Variants in TRMT44 observed in about 807,000 individuals in gnomAD.
The protein encoded by TRMT44 is probable tRNA (uracil-O(2)-)-methyltransferase.
Under a neutral mutation model 77.3 loss-of-function variants are expected in TRMT44, and 78 were observed. The ratio of observed to expected loss-of-function variants is 1.01; its 90% CI spans 0.84 to 1.22. The LOEUF (loss-of-function observed/expected upper bound fraction) is 1.22. Among genes scored for constraint, TRMT44 ranks in the 50% most tolerant of loss-of-function variants. The pLI is 0.00. For synonymous variants in TRMT44, 391 were observed against 383.3 expected (o/e 1.02, Z -0.23); for missense variants, 1,090 against 964.4 (o/e 1.13, Z -1.73).
Position 8,475,808 on chromosome 4 carries a change from A to AG in TRMT44, c.2083dup (p.Glu695GlyfsTer18), listed in dbSNP as rs1727339586. 6.2e-7 allele frequency: 1 copy of AG among 1,614,012 alleles called. No homozygotes were observed. Among genetic ancestry groups the AG allele is most frequent in the Non-Finnish European group, 8.5e-7 (1 of 1,180,036 alleles). Reference sequence around the variant, plus strand: ...AGAGTTCACATCCGCGACTGGCGAGAGGAGACACTGTGGAAGACAAAGCAA... The same window carrying AG: ...AGAGTTCACATCCGCGACTGGCGAGAGGGAGACACTGTGGAAGACAAAGCAA... On this transcript the variant is annotated frameshift_variant, in exon 11 of 11. Transcript: ENST00000389737. LOFTEE classifies it low-confidence loss of function (END_TRUNC).
intron 2 of TRMT44, chr4:8,482,336 C>G (rs755229559): frequency 1.3e-5 from 2 of 152,286 alleles, no homozygotes; most frequent in African/African-American, 4.8e-5. Flanking sequence ...TGAACTCTTG[C>G]GTGTCCTCCT....
At chr4:8,516,368 G>A in the TRMT44 span, among the ~76,000 whole-genome samples, 1 of 152,204 alleles carries the variant, frequency 6.6e-6, no homozygotes, top group South Asian at 2.1e-4. Flanking sequence ...CCCCAGAGGA[G>A]CTGACTCGCC....
intron 2 of TRMT44, among the ~76,000 whole-genome samples, chr4:8,484,469 A>T (rs183622848): frequency 1.2e-3 from 186 of 152,334 alleles, no homozygotes; most frequent in African/African-American, 4.3e-3. Flanking sequence ...GGCCTCTAAA[A>T]GTATTAGGGC....
rs1030987842 is a variant in TRMT44 at position 8,446,034 on chromosome 4, G to T, written c.620-442G>T. On this transcript the variant is annotated intron_variant, in intron 1 of 10. Coordinates refer to ENST00000389737, the MANE Select transcript of TRMT44 (RefSeq NM_152544.3). The surrounding 1 kb of genome is among the most constrained non-coding windows in gnomAD (Gnocchi z 4.3). ...GCAAGGGCTCCACACAACATAAAGC[G>T]GTTGTTAGGAAGGCCTGGACTGATA... is the stretch of plus-strand genomic sequence containing the variant. Among the ~76,000 whole-genome samples the T allele has an allele frequency of 6.6e-6, 1 of 152,192 alleles. No individual in the cohort carries two copies. The highest frequency in any genetic ancestry group is 2.1e-4 in the South Asian group (1 of 4,826).
the TRMT44 span, among the ~76,000 whole-genome samples, chr4:8,502,146 G>C: frequency 1.3e-5 from 2 of 152,222 alleles, no homozygotes; most frequent in Non-Finnish European, 1.5e-5. Context: ...GGGGGCTCCT[G>C]TTGATATCAG....
intron 1 of TRMT44, among the ~76,000 whole-genome samples, chr4:8,442,722 G>C (rs1724828863): frequency 6.6e-6 from 1 of 152,218 alleles, no homozygotes; most frequent in African/African-American, 2.4e-5. Flanking sequence ...CTTGCTGGCT[G>C]TCAGTTGCTG....
At position 8,476,013 on chromosome 4, in the gene TRMT44, G is replaced by A. The variant is rs1560244452; in HGVS notation, c.*12G>A. 3.7e-6 allele frequency: 6 copies of A among 1,610,744 alleles called. No homozygotes were observed. Among genetic ancestry groups the A allele is most frequent in the Non-Finnish European group, 5.1e-6 (6 of 1,177,960 alleles). On this transcript the variant is annotated 3_prime_UTR_variant, in exon 11 of 11. Transcript: ENST00000389737. Reference sequence around the variant, plus strand: ...AGAAGATTTCATGAGCTGCATCCTTGCCAGCCGAGGCCTGGTTGGGGAGGC... The same window carrying A: ...AGAAGATTTCATGAGCTGCATCCTTACCAGCCGAGGCCTGGTTGGGGAGGC...
intron 6 of TRMT44, among the ~76,000 whole-genome samples, chr4:8,458,869 C>A (rs1459804919): frequency 6.6e-6 from 1 of 151,964 alleles, no homozygotes; most frequent in African/African-American, 2.4e-5. Flanking sequence ...TTCTGGTCAA[C>A]AATAGGCTAT....
At chr4:8,449,949 C>CTTTTTTTTTTTTTTCTTTT in intron 3 of TRMT44, 61 bp downstream of exon 3, 2 of 238,690 alleles carry the variant, frequency 8.4e-6, no homozygotes, top group Non-Finnish European at 1.2e-5. Flanking sequence ...CTTTTCTTTT[C>CTTTTTTTTTTTTTTCTTTT]TTTTTTTTTT....
At position 8,440,783 on chromosome 4, in the gene TRMT44, T is replaced by A. The variant is rs1218480807; in HGVS notation, c.-40T>A. 1.5e-6 allele frequency: 2 copies of A among 1,379,310 alleles called. No homozygotes were observed. Among genetic ancestry groups the A allele is most frequent in the East Asian group, 5.9e-5 (2 of 34,102 alleles). The allele number at this position is 1,379,310 out of a possible 1,614,324, so 85.4% of individuals were successfully genotyped here. ...CGCCGCGCCACCGGGCTGCGTCATC[T>A]CGGCGCGCCGCTGCCAGGGCTGTAC... On this transcript the variant is annotated 5_prime_UTR_variant, in exon 1 of 11. Coordinates refer to ENST00000389737, the MANE Select transcript of TRMT44 (RefSeq NM_152544.3).
intron 2 of TRMT44, among the ~76,000 whole-genome samples, chr4:8,489,579 C>T (rs1008300624): frequency 2.0e-5 from 3 of 152,114 alleles, no homozygotes; most frequent in Admixed American, 6.5e-5. Context: ...CAGGTTCAAG[C>T]GATTCTCCTG....
At chr4:8,462,006 A>G (rs1420088829) in intron 6 of TRMT44, among the ~76,000 whole-genome samples, 1 of 152,264 alleles carries the variant, frequency 6.6e-6, no homozygotes, top group African/African-American at 2.4e-5. Context: ...AACTAAAAAC[A>G]AAACACCTGT....
At chr4:8,475,312 A>C (rs1029023121) in intron 10 of TRMT44, among the ~76,000 whole-genome samples, 2 of 151,690 alleles carry the variant, frequency 1.3e-5, no homozygotes, top group Admixed American at 1.3e-4. Flanking sequence ...TCCTTCCTCC[A>C]CTCAAGTGAT....
intron 6 of TRMT44, among the ~76,000 whole-genome samples, chr4:8,459,170 C>T (rs1235837551): frequency 1.3e-5 from 2 of 152,210 alleles, no homozygotes; most frequent in East Asian, 1.9e-4. Flanking sequence ...CCACTGCACA[C>T]CAGCCTGGGC....
chr4:8,483,276 G>A (rs988957955), intron 2 of TRMT44, among the ~76,000 whole-genome samples: 1 of 152,214 alleles, frequency 6.6e-6, no homozygotes, highest in Non-Finnish European at 1.5e-5. Context: ...TTTGGGGATA[G>A]CACCAGGAGA....
chr4:8,503,904 C>T, the TRMT44 span, among the ~76,000 whole-genome samples: 2 of 152,232 alleles, frequency 1.3e-5, no homozygotes, highest in Non-Finnish European at 1.5e-5. Flanking sequence ...CCAGCAAGCC[C>T]TCACACGCAC....
At chr4:8,515,536 G>GGCAGGT in the TRMT44 span, among the ~76,000 whole-genome samples, 1 of 152,264 alleles carries the variant, frequency 6.6e-6, no homozygotes, top group Admixed American at 6.5e-5. Flanking sequence ...CAGGGGCAGG[G>GGCAGGT]CCAGGGCTGT....
the TRMT44 span, among the ~76,000 whole-genome samples, chr4:8,513,089 G>T: frequency 6.6e-6 from 1 of 152,098 alleles, no homozygotes; most frequent in African/African-American, 2.4e-5. Flanking sequence ...GATAATTTTT[G>T]CATTTTAGAG....
chr4:8,494,082 G>A (rs547683553), downstream of TRMT44, among the ~76,000 whole-genome samples: 1 of 151,060 alleles, frequency 6.6e-6, no homozygotes, highest in East Asian at 1.9e-4. Context: ...GTGGGGTGAT[G>A]GGACGCACAA....
Sources: gnomAD v4.1 joint callset for allele counts (sites outside exome capture counted in the v4.1 genomes callset) on GRCh38, gnomAD v4.1.1 for gene constraint, Gnocchi (gnomAD v3.1) non-coding constraint, MANE v1.5 for transcripts, NCBI Gene and HGNC (gene_info 2026-07-23, HGNC 2026-07-21) for gene names.